The following LRRC4C variants were observed in gnomAD, a reference collection of about 807,000 sequenced individuals.
The protein encoded by LRRC4C is leucine-rich repeat-containing protein 4C.
Under a neutral mutation model 33.6 loss-of-function variants are expected in LRRC4C, and 5 were observed. The observed-to-expected ratio is 0.15, with a 90% confidence interval of 0.08 to 0.31. The LOEUF (loss-of-function observed/expected upper bound fraction) is 0.31. LRRC4C is among the 10% of genes least tolerant of loss of function. The pLI is 1.00. For synonymous variants in LRRC4C, 329 were observed against 302.0 expected (o/e 1.09, Z -0.93); for missense variants, 560 against 796.7 (o/e 0.70, Z 3.58).
chr11:40,805,781 G>A (rs1565083687), intron 2 of LRRC4C, among the ~76,000 whole-genome samples: 1 of 151,988 alleles, frequency 6.6e-6, no homozygotes, highest in Non-Finnish European at 1.5e-5. Flanking sequence ...ATCACTATTG[G>A]TAAACAGCTT....
At chr11:40,634,392 G>T (rs72892745) in intron 3 of LRRC4C, among the ~76,000 whole-genome samples, 5,775 of 152,198 alleles carry the variant, frequency 0.038, 153 homozygotes, top group Non-Finnish European at 0.061. Context: ...ATGAAAGGAA[G>T]TTGGTTTTAG....
intron 3 of LRRC4C, among the ~76,000 whole-genome samples, chr11:40,478,808 A>G (rs1953387999): frequency 6.6e-6 from 1 of 152,184 alleles, no homozygotes; most frequent in African/African-American, 2.4e-5. Flanking sequence ...TCCTCACTGT[A>G]ATAAAGATGT....
intron 2 of LRRC4C, among the ~76,000 whole-genome samples, chr11:40,794,373 CAAAAAAAAAAAAA>C (rs57476895): frequency 0.3 from 23,601 of 77,982 alleles, 2,685 homozygotes; most frequent in African/African-American, 0.4. Context: ...TAAACGCCAG[CAAAAAAAAAAAAA>C]AAAAAAAAAA....
At chr11:40,566,223 C>T (rs1436322290) in intron 3 of LRRC4C, among the ~76,000 whole-genome samples, 2 of 147,870 alleles carry the variant, frequency 1.4e-5, no homozygotes, top group Admixed American at 6.9e-5. Flanking sequence ...GTTGGATATT[C>T]AATTGGATTT....
intron 3 of LRRC4C, among the ~76,000 whole-genome samples, chr11:40,348,615 C>T (rs978788060): frequency 6.6e-6 from 1 of 152,152 alleles, no homozygotes; most frequent in Admixed American, 6.5e-5. Context: ...TACCTCTGCT[C>T]CCAGCATCTT....
At chr11:40,515,062 T>C (rs942233995) in intron 3 of LRRC4C, among the ~76,000 whole-genome samples, 2 of 152,138 alleles carry the variant, frequency 1.3e-5, no homozygotes, top group African/African-American at 2.4e-5. Flanking sequence ...GTAAGATCTT[T>C]GAATTTACTC....
chr11:41,126,247 A>G (rs1158194817), intron 1 of LRRC4C, among the ~76,000 whole-genome samples: 1 of 151,864 alleles, frequency 6.6e-6, no homozygotes, highest in African/African-American at 2.4e-5. Flanking sequence ...CCACCCTTCT[A>G]TTTTTTTAAT....
In LRRC4C at chr11:40,829,002, A is replaced by G. The variant is rs1002530596; in HGVS notation, c.-407+104633T>C. Among the ~76,000 whole-genome samples, 16 of 151,976 alleles carry G rather than the reference A, an allele frequency of 1.1e-4. 1 individual carries two copies. The highest frequency in any genetic ancestry group is 3.6e-4 in the African/African-American group (15 of 41,422). ...TGGTCTTATTCTGGTTTCTAAATAT[A>G]ATAATGCACAAACAAAAAACTTGGT... is the stretch of plus-strand genomic sequence containing the variant. On this transcript the variant is annotated intron_variant, in intron 2 of 6. Transcript: ENST00000528697.
At chr11:40,175,127 T>C (rs1213992687) in intron 5 of LRRC4C, among the ~76,000 whole-genome samples, 1 of 152,262 alleles carries the variant, frequency 6.6e-6, no homozygotes, top group African/African-American at 2.4e-5. Flanking sequence ...ATCTTGTCTA[T>C]GTTGAGTACT....
intron 1 of LRRC4C, among the ~76,000 whole-genome samples, chr11:41,037,742 T>C (rs1857183747): frequency 6.6e-6 from 1 of 152,110 alleles, no homozygotes; most frequent in Non-Finnish European, 1.5e-5. Context: ...AGTAGGTGAG[T>C]GGACTGGCTT....
intron 3 of LRRC4C, among the ~76,000 whole-genome samples, chr11:40,386,229 C>T (rs1275556523): frequency 6.6e-6 from 1 of 152,066 alleles, no homozygotes; most frequent in Non-Finnish European, 1.5e-5. Flanking sequence ...CCAAACAGTT[C>T]CTAAAACGTT....
intron 1 of LRRC4C, among the ~76,000 whole-genome samples, chr11:41,287,981 C>A (rs1355595788): frequency 5.3e-5 from 8 of 152,144 alleles, no homozygotes; most frequent in Admixed American, 5.2e-4. Flanking sequence ...GAGAGGTCTG[C>A]ACCAGATGTG....
chr11:41,310,118 G>A (rs1043794885), intron 1 of LRRC4C, among the ~76,000 whole-genome samples: 4 of 152,174 alleles, frequency 2.6e-5, no homozygotes, highest in African/African-American at 9.7e-5. Flanking sequence ...TGATACACTA[G>A]TATAAGCAGA....
intron 1 of LRRC4C, among the ~76,000 whole-genome samples, chr11:40,965,277 C>T (rs1851268253): frequency 6.6e-6 from 1 of 151,994 alleles, no homozygotes; most frequent in Non-Finnish European, 1.5e-5. Context: ...AGCCCTTTGT[C>T]AGATTAGTAG....
intron 1 of LRRC4C, among the ~76,000 whole-genome samples, chr11:41,375,852 G>A (rs1350316646): frequency 6.6e-6 from 1 of 151,932 alleles, no homozygotes; most frequent in African/African-American, 2.4e-5. Context: ...AAAGTACCTA[G>A]AGATTCCTAA....
At chr11:40,665,332 ATATATATATATATATATATATATAT>A (rs1943720159) in intron 2 of LRRC4C, among the ~76,000 whole-genome samples, 1 of 11,128 alleles carries the variant, frequency 9.0e-5, no homozygotes, top group South Asian at 2.5e-3. Flanking sequence ...AAAAATATAT[ATATATATATATATATATATATATAT>A]ATATATGTAT....
intron 1 of LRRC4C, among the ~76,000 whole-genome samples, chr11:41,386,309 C>T (rs2137945273): frequency 6.6e-6 from 1 of 151,050 alleles, no homozygotes; most frequent in African/African-American, 2.4e-5. Flanking sequence ...GACTTACTTA[C>T]TTTTCACCAT....
rs573263532 is a variant in LRRC4C, at chr11:41,456,056, A to C, written c.-496+3375T>G. Among the ~76,000 whole-genome samples the C allele has an allele frequency of 3.3e-5, 5 of 152,244 alleles. No individual in the cohort carries two copies. The East Asian group carries it at 9.7e-4, about 29-fold the overall frequency. On this transcript the variant is annotated intron_variant, in intron 1 of 6. Transcript: ENST00000528697. ...TAATCCATCTTTTATTTTGTAATTT[A>C]TTGGGGTCCCTGAGAGGTTGTTCTG...
intron 3 of LRRC4C, among the ~76,000 whole-genome samples, chr11:40,562,078 T>A (rs2135511871): frequency 6.6e-6 from 1 of 152,344 alleles, no homozygotes. Context: ...ACATGTCTTC[T>A]GCCAGTGCTA....
Sources: gnomAD v4.1 joint callset for allele counts (sites outside exome capture counted in the v4.1 genomes callset) on GRCh38, gnomAD v4.1.1 for gene constraint, MANE v1.5 for transcripts, NCBI Gene and HGNC (gene_info 2026-07-23, HGNC 2026-07-21) for gene names.